RNGTT: variants seen among roughly 807,000 people sequenced by gnomAD.
RNGTT encodes mRNA-capping enzyme.
Under a neutral mutation model 79.3 loss-of-function variants are expected in RNGTT, and 33 were observed. The ratio of observed to expected loss-of-function variants is 0.42; its 90% confidence interval spans 0.32 to 0.56. The LOEUF (loss-of-function observed/expected upper bound fraction) is 0.56. RNGTT is among the 20% of genes least tolerant of loss of function. RNGTT has a pLI of 0.17. For synonymous variants in RNGTT, 222 were observed against 235.9 expected (o/e 0.94, Z 0.54); for missense variants, 497 against 739.1 (o/e 0.67, Z 3.80).
chr6:88,713,735 A>G (rs1776400116), intron 13 of RNGTT, among the ~76,000 whole-genome samples: 1 of 152,186 alleles, frequency 6.6e-6, no homozygotes, highest in Non-Finnish European at 1.5e-5. Context: ...ACAAGAAAAT[A>G]TTTTTTTAAA....
At chr6:88,700,864 C>T (rs955540019) in intron 13 of RNGTT, among the ~76,000 whole-genome samples, 6 of 152,040 alleles carry the variant, frequency 3.9e-5, no homozygotes, top group Admixed American at 3.3e-4. Flanking sequence ...AAATAATATA[C>T]ATGCTTACTT....
intron 11 of RNGTT, among the ~76,000 whole-genome samples, chr6:88,807,040 A>G (rs1270811453): frequency 6.6e-6 from 1 of 152,164 alleles, no homozygotes; most frequent in Admixed American, 6.5e-5. Context: ...GAGTTCATTG[A>G]TGAGAACACA....
chr6:88,646,754 A>C, intron 14 of RNGTT, among the ~76,000 whole-genome samples: 1 of 152,090 alleles, frequency 6.6e-6, no homozygotes, highest in Non-Finnish European at 1.5e-5. Flanking sequence ...CAAAAAACCA[A>C]ACACCGCATG....
At chr6:88,763,241 G>A (rs1394308948) in intron 13 of RNGTT, among the ~76,000 whole-genome samples, 1 of 152,022 alleles carries the variant, frequency 6.6e-6, no homozygotes, top group African/African-American at 2.4e-5. Context: ...ACTGTGCCTG[G>A]TGGAAGAGTT....
intron 13 of RNGTT, among the ~76,000 whole-genome samples, chr6:88,696,901 G>A (rs1252608281): frequency 6.6e-6 from 1 of 152,128 alleles, no homozygotes; most frequent in African/African-American, 2.4e-5. Flanking sequence ...TTTAAGCTGA[G>A]TGGATATAAT....
chr6:88,753,057 AAAAC>A (rs1019791175), intron 13 of RNGTT, among the ~76,000 whole-genome samples: 33 of 152,180 alleles, frequency 2.2e-4, no homozygotes, highest in Non-Finnish European at 1.5e-5. Flanking sequence ...AACTTTTAAA[AAAAC>A]AAATCAGTGA....
At chr6:88,929,954 G>T (rs1274651777) in intron 2 of RNGTT, among the ~76,000 whole-genome samples, 1 of 144,870 alleles carries the variant, frequency 6.9e-6, no homozygotes, top group African/African-American at 2.6e-5. Context: ...ATATACACAC[G>T]TATATACATA....
intron 13 of RNGTT, among the ~76,000 whole-genome samples, chr6:88,683,523 T>G (rs1188975603): frequency 6.6e-6 from 1 of 152,100 alleles, no homozygotes; most frequent in Non-Finnish European, 1.5e-5. Flanking sequence ...CACACAAATT[T>G]TTCCAGAAAA....
intron 11 of RNGTT, among the ~76,000 whole-genome samples, chr6:88,828,994 C>T (rs1462449976): frequency 6.6e-6 from 1 of 152,146 alleles, no homozygotes; most frequent in Non-Finnish European, 1.5e-5. Flanking sequence ...CTTCCCCAAC[C>T]TAGCAAGATA....
chr6:88,745,489 T>C (rs1209325932), intron 13 of RNGTT, among the ~76,000 whole-genome samples: 1 of 152,198 alleles, frequency 6.6e-6, no homozygotes, highest in East Asian at 1.9e-4. Flanking sequence ...GGGTGATACA[T>C]ATTACACTGA....
At chr6:88,714,323 G>C (rs1776424736) in intron 13 of RNGTT, 1 of 152,186 alleles carries the variant, frequency 6.6e-6, no homozygotes, top group South Asian at 2.1e-4. Context: ...CAAGACATGA[G>C]GCCAAGTTTT....
chr6:88,810,022 T>C (rs932422303), intron 11 of RNGTT, among the ~76,000 whole-genome samples: 1 of 152,068 alleles, frequency 6.6e-6, no homozygotes, highest in Non-Finnish European at 1.5e-5. Context: ...CACTCCAACC[T>C]GGGCAACAGA....
chr6:88,750,847 A>AT, intron 13 of RNGTT, among the ~76,000 whole-genome samples: 1 of 151,770 alleles, frequency 6.6e-6, no homozygotes, highest in East Asian at 1.9e-4. Flanking sequence ...TTTACCTTAC[A>AT]TTTTTTCTGT....
intron 13 of RNGTT, among the ~76,000 whole-genome samples, chr6:88,698,271 T>TATAA (rs1562202368): frequency 2.5e-4 from 23 of 93,876 alleles, no homozygotes; most frequent in African/African-American, 1.6e-3. Context: ...ATATATATGA[T>TATAA]ATATATATTT....
chr6:88,704,225 A>G (rs573863590), intron 13 of RNGTT, among the ~76,000 whole-genome samples: 15 of 128,270 alleles, frequency 1.2e-4, no homozygotes, highest in Middle Eastern at 6.0e-3. Flanking sequence ...GCACCACTGC[A>G]CTTTACCCTG....
intron 11 of RNGTT, among the ~76,000 whole-genome samples, chr6:88,814,972 T>C (rs1328398811): frequency 6.6e-6 from 1 of 152,222 alleles, no homozygotes; most frequent in Non-Finnish European, 1.5e-5. Context: ...GCCTTTGCCC[T>C]CAGCTACTGG....
chr6:88,931,044 C>T (rs561026558), intron 2 of RNGTT, among the ~76,000 whole-genome samples: 3 of 152,058 alleles, frequency 2.0e-5, no homozygotes, highest in South Asian at 2.1e-4. Flanking sequence ...TTGAGCAATC[C>T]TAATATGAAA....
rs559234959 is a variant in RNGTT at position 88,932,866 on chromosome 6, A to G, written c.175-3599T>C. On this transcript the variant is annotated intron_variant, in intron 2 of 15. Coordinates refer to ENST00000369485, the MANE Select transcript of RNGTT (RefSeq NM_003800.5). Reference sequence around the variant, plus strand: ...TGAGGCTAAAAAAAAGTAATAGTAAATTCATACATCTTCCACCTCATTCTG... The same window carrying G: ...TGAGGCTAAAAAAAAGTAATAGTAAGTTCATACATCTTCCACCTCATTCTG... 8.5e-4 allele frequency among the ~76,000 whole-genome samples: 130 copies of G among 152,338 alleles called. 2 individuals are homozygous for G. Among genetic ancestry groups the G allele is most frequent in the African/African-American group, 3.0e-3 (125 of 41,584 alleles).
chr6:88,775,995 T>C (rs1778865127), intron 12 of RNGTT, among the ~76,000 whole-genome samples: 1 of 152,208 alleles, frequency 6.6e-6, no homozygotes, highest in African/African-American at 2.4e-5. Flanking sequence ...AATGCTGTAA[T>C]GAACATGGGG....
Sources: allele counts gnomAD v4.1 joint callset (sites outside exome capture counted in the v4.1 genomes callset), GRCh38; gene constraint gnomAD v4.1.1; transcripts MANE v1.5; gene names NCBI Gene and HGNC (gene_info 2026-07-23, HGNC 2026-07-21).